THSD7B: variants seen among roughly 807,000 people sequenced by gnomAD.
THSD7B encodes thrombospondin type 1 domain containing 7B, also known as thrombospondin type-1 domain-containing protein 7B.
A neutral mutation model predicts 213.6 loss-of-function variants in THSD7B; 138 were observed. The observed-to-expected ratio is 0.65, with a 90% confidence interval of 0.56 to 0.74. The LOEUF (loss-of-function observed/expected upper bound fraction) is 0.74, where lower values mean the gene tolerates loss of function less well. THSD7B is among the 30% of genes least tolerant of loss of function. THSD7B has a pLI of 0.00. For missense variants in THSD7B, 1,931 were observed against 1,991.5 expected (o/e 0.97, Z 0.58); for synonymous variants, 742 against 687.0 (o/e 1.08, Z -1.25).
chr2:137,617,101 A>G (rs1682401958), intron 18 of THSD7B, among the ~76,000 whole-genome samples: 1 of 152,040 alleles, frequency 6.6e-6, no homozygotes, highest in Non-Finnish European at 1.5e-5. Context: ...CCTCATAGTG[A>G]CTTCTGTGGG....
At chr2:137,479,092 T>G (rs1688250381) in intron 15 of THSD7B, among the ~76,000 whole-genome samples, 1 of 152,118 alleles carries the variant, frequency 6.6e-6, no homozygotes, top group Non-Finnish European at 1.5e-5. Flanking sequence ...GTGGACAGGT[T>G]TTTGGGCTTC....
chr2:137,284,523 T>C (rs1683119834), intron 12 of THSD7B, among the ~76,000 whole-genome samples: 1 of 152,152 alleles, frequency 6.6e-6, no homozygotes, highest in Admixed American at 6.5e-5. Context: ...TCCTGCTTTC[T>C]CTTGTGGGCA....
At chr2:137,316,757 C>CA (rs869268206) in intron 12 of THSD7B, among the ~76,000 whole-genome samples, 607 of 21,436 alleles carry the variant, frequency 0.028, 8 homozygotes, top group East Asian at 0.23. Context: ...GACTCTGTCT[C>CA]AAAAAAAAAA....
chr2:137,319,689 G>T (rs1047408818), intron 12 of THSD7B, among the ~76,000 whole-genome samples: 5 of 152,090 alleles, frequency 3.3e-5, no homozygotes, highest in African/African-American at 4.8e-5. Context: ...AGACACTGTG[G>T]GTGGAGGTTT....
At chr2:136,779,627 G>T (rs1198608848) in intron 1 of THSD7B, among the ~76,000 whole-genome samples, 1 of 152,284 alleles carries the variant, frequency 6.6e-6, no homozygotes, top group Non-Finnish European at 1.5e-5. Context: ...TTGCTTTGAT[G>T]ATTTAAAGTT....
chr2:137,072,793 A>T (rs1259706052), intron 3 of THSD7B, among the ~76,000 whole-genome samples: 4 of 152,160 alleles, frequency 2.6e-5, no homozygotes, highest in Non-Finnish European at 5.9e-5. Flanking sequence ...TACCTAATTT[A>T]TTGAGAGTTT....
intron 2 of THSD7B, among the ~76,000 whole-genome samples, chr2:136,894,876 G>A (rs1299071927): frequency 6.6e-6 from 1 of 151,902 alleles, no homozygotes; most frequent in Non-Finnish European, 1.5e-5. Flanking sequence ...TTCAAATATT[G>A]GGCCTCCAAT....
chr2:137,312,056 G>C (rs1225329076), intron 12 of THSD7B, among the ~76,000 whole-genome samples: 3 of 150,514 alleles, frequency 2.0e-5, no homozygotes, highest in Admixed American at 2.0e-4. Flanking sequence ...TTTTTCTGTT[G>C]ATTGGAATAG....
chr2:137,004,296 TACACACACACACACACACAC>T lies in THSD7B; in HGVS notation c.140-52092_140-52073del, dbSNP rs34674642. ...CCGTGACCCAGTGTGTGTGCACACG[TACACACACACACACACACAC>T]ACACACACACACACACACACACACA... On this transcript the variant is annotated intron_variant, in intron 2 of 27. Transcript: ENST00000409968. 9.4e-3 allele frequency among the ~76,000 whole-genome samples: 1,239 copies of T among 131,580 alleles called. 12 individuals carry two copies. The highest frequency in any genetic ancestry group is 0.032 in the African/African-American group (1,088 of 34,318). 86.3% of individuals were successfully genotyped at this position (131,580 alleles called of 152,430 possible).
intron 15 of THSD7B, among the ~76,000 whole-genome samples, chr2:137,454,392 A>ATCTATCTATCTG (rs1160804861): frequency 0.015 from 1,714 of 114,650 alleles, 31 homozygotes; most frequent in South Asian, 0.04. Flanking sequence ...GAGCCATTCT[A>ATCTATCTATCTG]TCTGTCTGTC....
rs4954382 is a variant in THSD7B, at chr2:137,622,022, G to A, written c.3799+1296G>A. ...TGCAGGAATGAATCTATCCCTGCACGAGTGAGAACTCACTCGCCCCCAGGG... is the reference window on the plus strand; with the variant it reads ...TGCAGGAATGAATCTATCCCTGCACAAGTGAGAACTCACTCGCCCCCAGGG... On this transcript the variant is annotated intron_variant, in intron 20 of 27. Coordinates refer to ENST00000409968, the MANE Select transcript of THSD7B (RefSeq NM_001316349.2). 6.3e-3 allele frequency among the ~76,000 whole-genome samples: 952 copies of A among 152,224 alleles called. 22 individuals carry two copies. The East Asian group carries it at 0.071, about 11-fold the overall frequency.
chr2:137,168,831 C>A (rs1320787349), intron 6 of THSD7B, among the ~76,000 whole-genome samples: 1 of 152,004 alleles, frequency 6.6e-6, no homozygotes, highest in East Asian at 1.9e-4. Flanking sequence ...AGAGGTCATT[C>A]GAGTTTTGTG....
chr2:137,463,946 G>A (rs546390797), intron 15 of THSD7B, among the ~76,000 whole-genome samples: 56 of 152,174 alleles, frequency 3.7e-4, no homozygotes, highest in African/African-American at 1.3e-3. Context: ...GTCTGCAATA[G>A]CTTATCAGAA....
chr2:137,316,280 T>C (rs1240462013), intron 12 of THSD7B, among the ~76,000 whole-genome samples: 2 of 152,270 alleles, frequency 1.3e-5, no homozygotes, highest in Non-Finnish European at 2.9e-5. Context: ...GAAGGTTAAA[T>C]GACTGTTCTT....
chr2:137,300,154 A>T (rs902174422), intron 12 of THSD7B, among the ~76,000 whole-genome samples: 1 of 152,174 alleles, frequency 6.6e-6, no homozygotes, highest in Non-Finnish European at 1.5e-5. Flanking sequence ...ATTTTATTAT[A>T]CTTAGCATTT....
chr2:137,411,705 A>T lies in THSD7B; in HGVS notation c.2792A>T (p.Tyr931Phe). The part of the protein sequence containing the change: ...CPCDEFISQP[Y>F]GNWSDCILPE... ...TGTGATGAATTTATATCCCAACCTT[A>T]TGGAAACTGGTCAGATTGCATTCTT... The change falls in exon 14 of 28, where the codon TAT (tyrosine) becomes TTT (phenylalanine). Residue 931 changes from tyrosine to phenylalanine, a missense_variant. Coordinates refer to ENST00000409968, the MANE Select transcript of THSD7B (RefSeq NM_001316349.2). 6.2e-7 allele frequency: 1 copy of T among 1,613,956 alleles called. No individual in the cohort carries two copies. The highest frequency in any genetic ancestry group is 8.5e-7 in the Non-Finnish European group (1 of 1,179,896).
intron 27 of THSD7B, among the ~76,000 whole-genome samples, chr2:137,675,148 T>C (rs1487635471): frequency 2.0e-5 from 3 of 151,986 alleles, no homozygotes; most frequent in African/African-American, 2.4e-5. Context: ...AGTTAATTGA[T>C]GAATGGCTAC....
At chr2:137,672,478 A>AG (rs1384553225) in intron 27 of THSD7B, among the ~76,000 whole-genome samples, 2 of 152,174 alleles carry the variant, frequency 1.3e-5, no homozygotes, top group Non-Finnish European at 2.9e-5. Flanking sequence ...CATTTCCTAG[A>AG]GGATTTTTGT....
chr2:137,079,005 C>A (rs971004357), intron 3 of THSD7B, among the ~76,000 whole-genome samples: 2 of 151,798 alleles, frequency 1.3e-5, no homozygotes, highest in African/African-American at 4.8e-5. Flanking sequence ...CTGATGTTTT[C>A]TTTGTGTTAG....
Sources: gnomAD v4.1 joint callset for allele counts (sites outside exome capture counted in the v4.1 genomes callset) on GRCh38, gnomAD v4.1.1 for gene constraint, MANE v1.5 for transcripts, NCBI Gene and HGNC (gene_info 2026-07-23, HGNC 2026-07-21) for gene names.